The following ATP7B variants were observed in gnomAD, a reference collection of about 807,000 sequenced individuals.
The protein encoded by ATP7B is copper-transporting ATPase 2.
ATP7B carries 113 observed loss-of-function variants against 118.9 expected under a neutral mutation model. The ratio of observed to expected loss-of-function variants is 0.95; its 90% CI spans 0.82 to 1.11. The LOEUF is 1.11. ATP7B is among the 50% of genes most tolerant of loss of function. The pLI, the probability that ATP7B is intolerant of heterozygous loss-of-function variation, is 0.00. For synonymous variants in ATP7B, 777 were observed against 727.4 expected (o/e 1.07, Z -1.10); for missense variants, 1,867 against 1,871.4 (o/e 1.00, Z 0.04).
chr13:51,956,964 T>C (rs902560100), intron 9 of ATP7B, among the ~76,000 whole-genome samples: 2 of 152,126 alleles, frequency 1.3e-5, no homozygotes, highest in African/African-American at 4.8e-5. Context: ...CATCTGTAAA[T>C]TAAGAGTAAT....
At chr13:51,960,043 C>G (rs1356052552) in intron 7 of ATP7B, 105 bp downstream of exon 7, 1 of 1,424,884 alleles carries the variant, frequency 7.0e-7, no homozygotes, top group Non-Finnish European at 9.9e-7. Context: ...CAATAAAGTG[C>G]CATTTAAACC....
Position 51,970,676 on chromosome 13 carries a change from A to G in ATP7B, c.1359T>C (p.Pro453=). 6.2e-7 allele frequency: 1 copy of G among 1,614,116 alleles called. No individual in the cohort carries two copies. Among genetic ancestry groups the G allele is most frequent in the Non-Finnish European group, 8.5e-7 (1 of 1,179,958 alleles). Residue 453 remains proline, a synonymous_variant, in exon 3 of 21, where the codon CCT becomes CCC. Transcript: ENST00000242839. ...NSMVQTTDGT[P]TSVQEVAPHT... ...GGGGAGCCACTTCCTGCACAGATGT[A>G]GGTGTACCATCTGTAGTTTGCACCA... is the stretch of plus-strand genomic sequence containing the variant.
chr13:51,964,796 T>C, intron 5 of ATP7B, 76 bp downstream of exon 5: 1 of 1,524,848 alleles, frequency 6.6e-7, no homozygotes, highest in Non-Finnish European at 9.0e-7. Flanking sequence ...CTTAGCTATA[T>C]TTTCTCATTT....
chr13:51,947,383 T>C (rs1957731843), intron 12 of ATP7B, among the ~76,000 whole-genome samples: 1 of 152,222 alleles, frequency 6.6e-6, no homozygotes, highest in Non-Finnish European at 1.5e-5. Flanking sequence ...ACAAACAAAA[T>C]ATGACCTACT....
chr13:52,004,294 T>C (rs1032890857), intron 1 of ATP7B, among the ~76,000 whole-genome samples: 15 of 152,304 alleles, frequency 9.8e-5, no homozygotes, highest in African/African-American at 2.9e-4. Context: ...TATCCTTGCC[T>C]TTCCCTTATT....
In ATP7B at chr13:51,968,447, C is replaced by G; in HGVS notation, c.1704G>C (p.Leu568=). 1 of 1,614,204 alleles carries G rather than the reference C, an allele frequency of 6.2e-7. No homozygotes were observed. The highest frequency in any genetic ancestry group is 8.5e-7 in the Non-Finnish European group (1 of 1,180,040). Residue 568 remains leucine, a synonymous_variant, in exon 4 of 21, where the codon CTG becomes CTC. Coordinates refer to ENST00000242839, the MANE Select transcript of ATP7B (RefSeq NM_000053.4). ...DYAGSDGNIE[L]TITGMTCASC... is the part of the protein sequence containing the mutation. The stretch of plus-strand genomic sequence containing the variant: ...GTAACGCACCCACAGTACTTACTGT[C>G]AGCTCAATGTTGCCATCGGAGCCTG...
intron 4 of ATP7B, chr13:51,967,178 T>A (rs1951593824): frequency 3.9e-6 from 6 of 1,527,110 alleles, no homozygotes; most frequent in Admixed American, 1.7e-5. Flanking sequence ...GGACAGGAGT[T>A]AACTAAGAGA....
upstream of ATP7B, chr13:52,012,092 C>T: frequency 1.9e-6 from 1 of 513,486 alleles, no homozygotes. Context: ...GGGCCGGGAA[C>T]GGGGGCGCAG....
rs753843715 is a variant in ATP7B at position 51,970,640 on chromosome 13, C to G, written c.1395G>C (p.Arg465Ser). 1.2e-6 allele frequency: 2 copies of G among 1,614,156 alleles called. No individual in the cohort carries two copies. The highest frequency in any genetic ancestry group is 1.7e-6 in the Non-Finnish European group (2 of 1,180,016). Residue 465 changes from arginine to serine, a missense_variant, in exon 3 of 21, where the codon AGG (arginine) becomes AGC (serine). Arg to Ser is a moderately radical substitution (Grantham distance 110). Transcript: ENST00000242839. ...SVQEVAPHTG[R>S]LPANHAPDIL... ...TGTCCGGGGCATGGTTTGCAGGGAG[C>G]CTCCCAGTGTGGGGAGCCACTTCCT... is the stretch of plus-strand genomic sequence containing the variant.
chr13:51,951,417 G>A lies in ATP7B; in HGVS notation c.2448-1018C>T, dbSNP rs79824868. 4.2e-3 allele frequency among the ~76,000 whole-genome samples: 642 copies of A among 152,192 alleles called. 7 individuals carry two copies. The highest frequency in any genetic ancestry group is 0.015 in the African/African-American group (623 of 41,512). ...GAGAAATGGTTCATTTTGACATGTC[G>A]GGTTTGAGATGCCTATTTGACTTCC... On this transcript the variant is annotated intron_variant, in intron 9 of 20. Transcript: ENST00000242839.
intron 1 of ATP7B, among the ~76,000 whole-genome samples, chr13:52,000,479 T>G (rs1438860527): frequency 1.3e-5 from 2 of 152,200 alleles, no homozygotes; most frequent in Non-Finnish European, 2.9e-5. Flanking sequence ...CATATGAATT[T>G]GGCAGGGACA....
intron 1 of ATP7B, 166 bp from the exon 2 acceptor site, chr13:51,975,334 A>G: frequency 1.1e-6 from 1 of 947,630 alleles, no homozygotes; most frequent in South Asian, 1.3e-5. Flanking sequence ...GGCAGCATCT[A>G]CAAAATGAAA....
In ATP7B at chr13:51,946,274, A is replaced by G. The variant is rs2139045163; in HGVS notation, c.3060+10T>C. On this transcript the variant is annotated intron_variant, in intron 13 of 20. Coordinates refer to ENST00000242839, the MANE Select transcript of ATP7B (RefSeq NM_000053.4). ...CTCTCAGGATGGGGAAAGCCGTGCT[A>G]CAGGCTGACCTTGTGCGCCATCTCC... is the stretch of plus-strand genomic sequence containing the variant. 2 of 1,571,330 alleles carry G rather than the reference A, an allele frequency of 1.3e-6. No individual in the cohort carries two copies. Among genetic ancestry groups the G allele is most frequent in the African/African-American group, 1.3e-5 (1 of 74,096 alleles).
chr13:51,981,557 A>C (rs1047484432), intron 1 of ATP7B, among the ~76,000 whole-genome samples: 5 of 152,128 alleles, frequency 3.3e-5, no homozygotes, highest in African/African-American at 1.2e-4. Context: ...GGATGCCACA[A>C]ATTCACAGGG....
In ATP7B at chr13:51,934,333, G is replaced by A. The variant is rs1038777107; in HGVS notation, c.*423C>T. On this transcript the variant is annotated 3_prime_UTR_variant, in exon 21 of 21. Transcript: ENST00000242839. Reference sequence around the variant, plus strand: ...TCAGAAACATGATGCACACAGACAGGCGTCATCAGAAAGACCCTGACAGTG... The same window carrying A: ...TCAGAAACATGATGCACACAGACAGACGTCATCAGAAAGACCCTGACAGTG... 2 of 298,896 alleles carry A rather than the reference G, an allele frequency of 6.7e-6. No homozygotes were observed. The highest frequency in any genetic ancestry group is 1.3e-5 in the Non-Finnish European group (2 of 150,652). The allele number at this position is 298,896 out of a possible 1,614,324, so 18.5% of individuals were successfully genotyped here.
At chr13:51,981,529 CT>C (rs1952419584) in intron 1 of ATP7B, among the ~76,000 whole-genome samples, 1 of 152,192 alleles carries the variant, frequency 6.6e-6, no homozygotes, top group Non-Finnish European at 1.5e-5. Flanking sequence ...CTTGCTCGGC[CT>C]TATCTAAGAA....
intron 1 of ATP7B, among the ~76,000 whole-genome samples, chr13:51,997,507 C>T (rs1458044981): frequency 2.0e-5 from 3 of 152,164 alleles, no homozygotes; most frequent in Non-Finnish European, 2.9e-5. Flanking sequence ...ACCATTCAAA[C>T]CATTTCTAGA....
chr13:51,972,337 G>A (rs186304186), intron 2 of ATP7B, among the ~76,000 whole-genome samples: 50 of 152,208 alleles, frequency 3.3e-4, no homozygotes, highest in African/African-American at 1.1e-3. Flanking sequence ...GGGTGACTAG[G>A]AGACCCCTCC....
chr13:52,010,065 A>C (rs561827141), intron 1 of ATP7B, among the ~76,000 whole-genome samples: 1 of 152,234 alleles, frequency 6.6e-6, no homozygotes, highest in African/African-American at 2.4e-5. Flanking sequence ...GCAGGTCTTG[A>C]GCTTGATTTG....
Sources: allele counts gnomAD v4.1 joint callset (sites outside exome capture counted in the v4.1 genomes callset), GRCh38; gene constraint gnomAD v4.1.1; transcripts MANE v1.5; gene names NCBI Gene and HGNC (gene_info 2026-07-23, HGNC 2026-07-21).